CACNA1I: variants seen among roughly 807,000 people sequenced by gnomAD.
CACNA1I encodes voltage-dependent T-type calcium channel subunit alpha-1I.
In CACNA1I, 74 loss-of-function variants were observed where a neutral mutation model predicts 201.6. That is an observed-to-expected ratio of 0.37 (90% CI 0.30 to 0.45). The LOEUF (loss-of-function observed/expected upper bound fraction) is 0.45. Ranked by LOEUF, CACNA1I falls within the 20% of genes least tolerant of loss-of-function variation. The pLI, the probability that CACNA1I is intolerant of heterozygous loss-of-function variation, is 1.00. For missense variants in CACNA1I, 2,346 were observed against 3,138.1 expected (o/e 0.75, Z 6.03); for synonymous variants, 1,431 against 1,345.2 (o/e 1.06, Z -1.40).
At chr22:39,627,341 C>G (rs1336704406) in intron 4 of CACNA1I, among the ~76,000 whole-genome samples, 1 of 152,252 alleles carries the variant, frequency 6.6e-6, no homozygotes, top group Non-Finnish European at 1.5e-5. Context: ...AGCCACGAGG[C>G]AGGCGGGGGG....
intron 1 of CACNA1I, among the ~76,000 whole-genome samples, chr22:39,575,884 C>T (rs1420916076): frequency 4.6e-5 from 7 of 152,052 alleles, no homozygotes; most frequent in African/African-American, 1.7e-4. Context: ...AAGTGATTCT[C>T]CCACCTCAGC....
chr22:39,648,075 CA>C lies in CACNA1I; in HGVS notation c.1567+150del, dbSNP rs1934544438. Reference sequence around the variant, plus strand: ...CCTGTCTCCCTCTATAAAGTGAGGACAGGGGCCCCCAGCACGTGGCCGTCCA... The same window carrying C: ...CCTGTCTCCCTCTATAAAGTGAGGACGGGGCCCCCAGCACGTGGCCGTCCA... On this transcript the variant is annotated intron_variant, in intron 9 of 36. Transcript: ENST00000402142. This position sits in a 1 kb window ranked among gnomAD's most constrained non-coding sequence, Gnocchi z 5.4. 1 of 682,140 alleles carries C rather than the reference CA, an allele frequency of 1.5e-6. No individual in the cohort carries two copies. Among genetic ancestry groups the C allele is most frequent in the Non-Finnish European group, 2.5e-6 (1 of 408,076 alleles). The allele number at this position is 682,140 out of a possible 1,614,324, so 42.3% of individuals were successfully genotyped here.
intron 3 of CACNA1I, among the ~76,000 whole-genome samples, chr22:39,604,299 C>T (rs949416793): frequency 1.7e-4 from 26 of 152,102 alleles, no homozygotes; most frequent in Non-Finnish European, 3.7e-4. Flanking sequence ...AGCTGCCTAG[C>T]TTCAGCATTG....
rs536313877 is a variant in CACNA1I at position 39,594,667 on chromosome 22, A to G, written c.237-3484A>G. On this transcript the variant is annotated intron_variant, in intron 1 of 36. Coordinates refer to ENST00000402142, the MANE Select transcript of CACNA1I (RefSeq NM_021096.4). Reference sequence around the variant, plus strand: ...CCATGGAAACCAGGTCACCTCTCCCACTCCTCTCTGGGTGGGGTCCTGCTG... The same window carrying G: ...CCATGGAAACCAGGTCACCTCTCCCGCTCCTCTCTGGGTGGGGTCCTGCTG... Among the ~76,000 whole-genome samples the G allele has an allele frequency of 2.0e-3, 308 of 151,174 alleles. 1 individual carries two copies. Among genetic ancestry groups the G allele is most frequent in the African/African-American group, 7.1e-3 (293 of 41,130 alleles).
At chr22:39,614,385 A>G (rs1569062402) in intron 3 of CACNA1I, among the ~76,000 whole-genome samples, 2 of 152,228 alleles carry the variant, frequency 1.3e-5, no homozygotes, top group Non-Finnish European at 2.9e-5. Flanking sequence ...AGGGTAGGTC[A>G]GGGATCTGGG....
rs1206650236 is a variant in CACNA1I at position 39,677,881 on chromosome 22, C to G, written c.4934-106C>G. 1 of 1,329,694 alleles carries G rather than the reference C, an allele frequency of 7.5e-7. No individual in the cohort carries two copies. The highest frequency in any genetic ancestry group is 1.0e-6 in the Non-Finnish European group (1 of 984,852). The allele number at this position is 1,329,694 out of a possible 1,614,324, so 82.4% of individuals were successfully genotyped here. A position where few individuals can be genotyped will look rare whatever the true frequency, so the allele number is the denominator to read the frequency against. On this transcript the variant is annotated intron_variant, in intron 30 of 36. Transcript: ENST00000402142. This position sits in a 1 kb window ranked among gnomAD's most constrained non-coding sequence, Gnocchi z 4.8. ...GGCTGGGCACAGTCTGCAGGCCCCTCCTAGGGTGTGATGAGGGTTCTGAGG... is the reference window on the plus strand; with the variant it reads ...GGCTGGGCACAGTCTGCAGGCCCCTGCTAGGGTGTGATGAGGGTTCTGAGG...
intron 4 of CACNA1I, among the ~76,000 whole-genome samples, chr22:39,624,658 T>TA (rs962373921): frequency 3.9e-5 from 6 of 152,160 alleles, no homozygotes; most frequent in Admixed American, 1.3e-4. Context: ...ACGTGGGGCT[T>TA]AAAGTCCATT....
rs1935913733 is a variant in CACNA1I at position 39,687,228 on chromosome 22, G to C, written c.*823G>C. 6.6e-6 allele frequency: 1 copy of C among 152,282 alleles called. No individual in the cohort carries two copies. Among genetic ancestry groups the C allele is most frequent in the Non-Finnish European group, 1.5e-5 (1 of 68,214 alleles). 9.4% of individuals were successfully genotyped at this position (152,282 alleles called of 1,614,324 possible). ...GTCCCCAGCTCCTGAGCACTTCTGA[G>C]GGGGTGGGTTCCACCCCCAGGAGGG... On this transcript the variant is annotated 3_prime_UTR_variant, in exon 37 of 37. Transcript: ENST00000402142.
chr22:39,682,592 T>C lies in CACNA1I; in HGVS notation c.5761T>C (p.Phe1921Leu). The change falls in exon 35 of 37, where the codon TTC (phenylalanine) becomes CTC (leucine). Residue 1921 changes from phenylalanine to leucine, a missense_variant. By Grantham distance (22) the Phe-to-Leu change is conservative. Around this residue, in one of 13 missense-constraint regions of CACNA1I, gnomAD observed 441 missense variants for 555.6 expected, o/e 0.79. Transcript: ENST00000402142. ...GGCCGTCTCGCCGGATCCAGAGAAC[T>C]TCCTGTGTGAGATGGAGGAGATCCC... is the stretch of plus-strand genomic sequence containing the variant. ...STAVSPDPEN[F>L]LCEMEEIPFN... 1 of 1,613,644 alleles carries C rather than the reference T, an allele frequency of 6.2e-7. No homozygotes were observed. Among genetic ancestry groups the C allele is most frequent in the Non-Finnish European group, 8.5e-7 (1 of 1,179,846 alleles).
chr22:39,650,559 C>A (rs146836908), intron 10 of CACNA1I, among the ~76,000 whole-genome samples: 2 of 152,308 alleles, frequency 1.3e-5, no homozygotes, highest in African/African-American at 2.4e-5. Flanking sequence ...CTCCTCATTG[C>A]CCTCAGGACA....
chr22:39,668,374 A>T lies in CACNA1I; in HGVS notation c.4187A>T (p.Asp1396Val), dbSNP rs1309717707. 1.2e-6 allele frequency: 2 copies of T among 1,609,350 alleles called. No individual in the cohort carries two copies. Among genetic ancestry groups the T allele is most frequent in the Non-Finnish European group, 1.7e-6 (2 of 1,175,790 alleles). Residue 1396 changes from aspartate to valine, a missense_variant, in exon 24 of 37, where the codon GAC becomes GTC. Asp to Val is a radical substitution (Grantham distance 152, BLOSUM62 -3). Transcript: ENST00000402142. ...AATGGACTGGATGCTGTTGCTGTGG[A>T]CCAGCAGGTGGGTGTAGCTGGGACC... Reference protein sequence around the residue: ...MYNGLDAVAVDQQPVTNHNPW... With the variant: ...MYNGLDAVAVVQQPVTNHNPW...
In CACNA1I at chr22:39,665,239, G is replaced by C. The variant is rs1935150311; in HGVS notation, c.3852-259G>C. Among the ~76,000 whole-genome samples the C allele has an allele frequency of 6.6e-6, 1 of 152,160 alleles. No homozygotes were observed. Among genetic ancestry groups the C allele is most frequent in the African/African-American group, 2.4e-5 (1 of 41,432 alleles). ...ACCCCGAGGAGCTGGGCACAGTGAG[G>C]GGTGAGGGCACGTACCCTGCTGCTG... On this transcript the variant is annotated intron_variant, in intron 21 of 36. Coordinates refer to ENST00000402142, the MANE Select transcript of CACNA1I (RefSeq NM_021096.4). The surrounding 1 kb of genome is among the most constrained non-coding windows in gnomAD (Gnocchi z 5.5).
chr22:39,634,462 G>T, intron 4 of CACNA1I, 103 bp from the exon 5 acceptor site: 1 of 1,099,062 alleles, frequency 9.1e-7, no homozygotes, highest in Non-Finnish European at 1.4e-6. Flanking sequence ...CCCTGATAAT[G>T]CATCCCCCTC....
At chr22:39,591,822 A>T (rs1932825912) in intron 1 of CACNA1I, among the ~76,000 whole-genome samples, 1 of 152,214 alleles carries the variant, frequency 6.6e-6, no homozygotes, top group South Asian at 2.1e-4. Context: ...GGCCCCCCAA[A>T]GTGCTGGGAT....
intron 32 of CACNA1I, 56 bp from the exon 33 acceptor site, chr22:39,679,666 G>T: frequency 6.7e-7 from 1 of 1,499,370 alleles, no homozygotes; most frequent in Non-Finnish European, 9.0e-7. Context: ...CCACCCCACA[G>T]CCCCGGGACC....
Position 39,661,278 on chromosome 22 carries a change from C to A in CACNA1I, c.2869C>A (p.Leu957Ile). The part of the protein sequence containing the change: ...LGSRKSSVMS[L>I]GRMSYDQRSL... Reference sequence around the variant, plus strand: ...CTCCCGAAAGAGCAGTGTCATGTCTCTAGGGAGGATGAGCTATGACCAGCG... The same window carrying A: ...CTCCCGAAAGAGCAGTGTCATGTCTATAGGGAGGATGAGCTATGACCAGCG... The change falls in exon 16 of 37, where the codon CTA (leucine) becomes ATA (isoleucine). Residue 957 changes from leucine to isoleucine, a missense_variant. This residue lies in a region of CACNA1I where 288 missense variants were observed against 255.2 expected (regional missense o/e 1.13). Coordinates refer to ENST00000402142, the MANE Select transcript of CACNA1I (RefSeq NM_021096.4). The A allele has an allele frequency of 6.3e-7, 1 of 1,598,186 alleles. No homozygotes were observed. The highest frequency in any genetic ancestry group is 1.7e-5 in the Admixed American group (1 of 58,038).
intron 23 of CACNA1I, 145 bp from the exon 24 acceptor site, chr22:39,668,147 C>T (rs536857771): frequency 1.0e-4 from 59 of 591,892 alleles, no homozygotes; most frequent in East Asian, 8.1e-4. Flanking sequence ...GTTTGTTGGA[C>T]GAGGGCACAG....
chr22:39,641,536 T>C (rs1467066962), intron 6 of CACNA1I, among the ~76,000 whole-genome samples: 1 of 152,008 alleles, frequency 6.6e-6, no homozygotes, highest in Non-Finnish European at 1.5e-5. Flanking sequence ...TCAAGCTCTG[T>C]TGGAGGGATT....
At position 39,686,511 on chromosome 22, in the gene CACNA1I, G is replaced by A. The variant is rs8138064; in HGVS notation, c.*106G>A. On this transcript the variant is annotated 3_prime_UTR_variant, in exon 37 of 37. Transcript: ENST00000402142. Reference sequence around the variant, plus strand: ...CTTCGTCCACACCTGGGATCGCGCAGGGCCCGCAGGGCACAGGCGCCCGAC... The same window carrying A: ...CTTCGTCCACACCTGGGATCGCGCAAGGCCCGCAGGGCACAGGCGCCCGAC... The A allele has an allele frequency of 0.019, 16,896 of 876,690 alleles. 181 individuals are homozygous for A. Among genetic ancestry groups the A allele is most frequent in the South Asian group, 0.053 (964 of 18,360 alleles). The allele number at this position is 876,690 out of a possible 1,614,324, so 54.3% of individuals were successfully genotyped here. A position where few individuals can be genotyped will look rare whatever the true frequency, so the allele number is the denominator to read the frequency against.
Sources: gnomAD v4.1 joint callset for allele counts (sites outside exome capture counted in the v4.1 genomes callset) on GRCh38, gnomAD v4.1.1 for gene constraint, gnomAD v4.1.1 regional missense constraint, Gnocchi (gnomAD v3.1) non-coding constraint, MANE v1.5 for transcripts, NCBI Gene and HGNC (gene_info 2026-07-23, HGNC 2026-07-21) for gene names.